Variants in RANBP10 observed in about 807,000 individuals in gnomAD.
RANBP10 encodes RAN binding protein 10.
A neutral mutation model predicts 72.8 loss-of-function variants in RANBP10; 24 were observed. The observed-to-expected ratio is 0.33, with a 90% confidence interval of 0.24 to 0.46. RANBP10 has a LOEUF of 0.46. Among genes scored for constraint, RANBP10 ranks in the 20% least tolerant of loss-of-function variants. The probability of loss-of-function intolerance (pLI) is 1.00; values close to 1 mark genes in which losing one functional copy is unlikely to be tolerated. For missense variants in RANBP10, 679 were observed against 817.5 expected, an observed-to-expected ratio of 0.83 and a Z score of 2.07; for synonymous variants, 310 against 322.3, an observed-to-expected ratio of 0.96 and a Z score of 0.41.
intron 2 of RANBP10, among the ~76,000 whole-genome samples, chr16:67,793,941 T>G (rs1052038630): frequency 2.0e-5 from 3 of 151,838 alleles, no homozygotes; most frequent in Admixed American, 6.6e-5. Context: ...ATGCAGTAGC[T>G]CAATCATAGC....
chr16:67,734,741 C>T (rs1288067128), intron 6 of RANBP10, 117 bp downstream of exon 6: 11 of 1,137,686 alleles, frequency 9.7e-6, no homozygotes, highest in Non-Finnish European at 1.3e-5. Flanking sequence ...GGGAATGCTT[C>T]CCAGAAAGGA....
chr16:67,775,642 GTC>G (rs1567703043), intron 2 of RANBP10, among the ~76,000 whole-genome samples: 1 of 151,790 alleles, frequency 6.6e-6, no homozygotes, highest in African/African-American at 2.4e-5. Flanking sequence ...GCAATATCCT[GTC>G]TCTACAAAAA....
chr16:67,803,247 G>A (rs996411072), intron 2 of RANBP10, among the ~76,000 whole-genome samples: 6 of 152,130 alleles, frequency 3.9e-5, no homozygotes, highest in African/African-American at 1.4e-4. Context: ...ATGAAAGATG[G>A]CCGGGTGCAG....
intron 1 of RANBP10, 76 bp downstream of exon 1, chr16:67,806,226 T>C (rs1436464367): frequency 2.2e-5 from 30 of 1,367,148 alleles, no homozygotes; most frequent in South Asian, 4.2e-5. Context: ...AGGGAGGTGA[T>C]AGGGCGGGGG....
At chr16:67,744,222 C>T in intron 4 of RANBP10, 66 bp downstream of exon 4, 1 of 1,567,900 alleles carries the variant, frequency 6.4e-7, no homozygotes, top group South Asian at 1.2e-5. Context: ...AGCACTTGCC[C>T]CTGAGCCTCT....
chr16:67,804,705 T>G (rs1046839790), intron 2 of RANBP10, among the ~76,000 whole-genome samples: 7 of 152,116 alleles, frequency 4.6e-5, no homozygotes, highest in Admixed American at 2.6e-4. Flanking sequence ...TTTTTTGTAT[T>G]TTTAGTAGAG....
chr16:67,797,682 C>T (rs539745356), intron 2 of RANBP10, among the ~76,000 whole-genome samples: 1 of 151,906 alleles, frequency 6.6e-6, no homozygotes, highest in Non-Finnish European at 1.5e-5. Flanking sequence ...TCATGGCACA[C>T]GCCTGTAATC....
At chr16:67,802,072 G>C (rs1037378054) in intron 2 of RANBP10, among the ~76,000 whole-genome samples, 1 of 147,184 alleles carries the variant, frequency 6.8e-6, no homozygotes, top group Admixed American at 6.8e-5. Context: ...TCCAGCCTGA[G>C]CAACAGAGCG....
intron 3 of RANBP10, among the ~76,000 whole-genome samples, chr16:67,764,753 A>G (rs1460833472): frequency 6.6e-6 from 1 of 152,222 alleles, no homozygotes; most frequent in Admixed American, 6.5e-5. Context: ...TCGGAAGACT[A>G]AATTTTCAGT....
At chr16:67,734,444 A>C (rs1245263142) in intron 6 of RANBP10, among the ~76,000 whole-genome samples, 1 of 152,246 alleles carries the variant, frequency 6.6e-6, no homozygotes, top group African/African-American at 2.4e-5. Flanking sequence ...AATGAGACTC[A>C]GTTGGATGCT....
Position 67,744,423 on chromosome 16 carries a change from C to T in RANBP10, c.433G>A (p.Asp145Asn). 6.2e-7 allele frequency: 1 copy of T among 1,614,126 alleles called. No individual in the cohort carries two copies. Among genetic ancestry groups the T allele is most frequent in the Non-Finnish European group, 8.5e-7 (1 of 1,179,982 alleles). Reference protein sequence around the residue: ...WDKHSYGYHGDDGHSFCSSGT... With the variant: ...WDKHSYGYHGNDGHSFCSSGT... ...GAGGAGCAGAACGAATGCCCATCAT[C>T]ACCATGGTAACCATAGGAATGTTTG... The change falls in exon 4 of 14, where the codon GAT (aspartate) becomes AAT (asparagine). Residue 145 changes from aspartate (D) to asparagine (N), a missense_variant. By Grantham distance (23) the Asp-to-Asn change is conservative. Transcript: ENST00000317506.
intron 6 of RANBP10, among the ~76,000 whole-genome samples, chr16:67,732,923 G>A (rs891669039): frequency 1.3e-5 from 2 of 151,584 alleles, no homozygotes; most frequent in Non-Finnish European, 2.9e-5. Flanking sequence ...GCGTAGTGGC[G>A]GGCACCTGTA....
chr16:67,748,565 T>A (rs1379638873), intron 3 of RANBP10, among the ~76,000 whole-genome samples: 2 of 151,014 alleles, frequency 1.3e-5, no homozygotes, highest in Non-Finnish European at 2.9e-5. Context: ...AAGGAAAAAA[T>A]ATATATATTA....
intron 2 of RANBP10, among the ~76,000 whole-genome samples, chr16:67,794,221 T>C (rs868185642): frequency 1.1e-4 from 16 of 152,062 alleles, no homozygotes; most frequent in African/African-American, 3.1e-4. Context: ...GCAGATCACC[T>C]GAGATCAGCA....
chr16:67,748,166 G>A (rs935253102), intron 3 of RANBP10, among the ~76,000 whole-genome samples: 41 of 151,922 alleles, frequency 2.7e-4, no homozygotes, highest in East Asian at 3.9e-4. Context: ...GGCTGTGATC[G>A]TTGACTGGGA....
At chr16:67,732,823 G>A (rs954611454) in intron 6 of RANBP10, among the ~76,000 whole-genome samples, 5 of 149,042 alleles carry the variant, frequency 3.4e-5, no homozygotes, top group South Asian at 2.1e-4. Context: ...TGAGGCGGGC[G>A]GATCACAAGG....
At chr16:67,736,450 C>T (rs763419671) in intron 5 of RANBP10, among the ~76,000 whole-genome samples, 2 of 152,210 alleles carry the variant, frequency 1.3e-5, no homozygotes, top group Non-Finnish European at 2.9e-5. Flanking sequence ...CGTGAGCCAG[C>T]GCGCCTGGCC....
Position 67,727,404 on chromosome 16 carries a change from C to T in RANBP10, c.1655G>A (p.Trp552Ter), listed in dbSNP as rs2143000419. ...AFSLLAYSDP[W>*]SCPVGQQLDP... ...AAGCTGCTGGCCAACTGGGCAGCTC[C>T]AGGGGTCTGAGTATGCCAGCAGGCT... The change falls in exon 13 of 14, where the codon TGG becomes TAG. Residue 552 changes from tryptophan (W) to a stop codon, truncating the protein, a stop_gained. Coordinates refer to ENST00000317506, the MANE Select transcript of RANBP10 (RefSeq NM_020850.3). LOFTEE classifies it high-confidence loss of function. The T allele has an allele frequency of 6.2e-7, 1 of 1,614,010 alleles. No individual in the cohort carries two copies. The highest frequency in any genetic ancestry group is 1.1e-5 in the South Asian group (1 of 91,080).
Position 67,779,624 on chromosome 16 carries a change from T to C in RANBP10, c.348-7538A>G, listed in dbSNP as rs554532930. Among the ~76,000 whole-genome samples the C allele has an allele frequency of 1.1e-4, 17 of 152,208 alleles. No homozygotes were observed. The East Asian group carries it at 1.9e-3, about 17-fold the overall frequency. ...TGCAGGCACCTGAATATGGCTGAGT[T>C]ATTAGGAGCTCTTGGGTCCTTGCTA... On this transcript the variant is annotated intron_variant, in intron 2 of 13. Coordinates refer to ENST00000317506, the MANE Select transcript of RANBP10 (RefSeq NM_020850.3).
Sources: gnomAD v4.1 joint callset for allele counts (sites outside exome capture counted in the v4.1 genomes callset) on GRCh38, gnomAD v4.1.1 for gene constraint, MANE v1.5 for transcripts, NCBI Gene and HGNC (gene_info 2026-07-23, HGNC 2026-07-21) for gene names.